The following C13orf42 variants were observed in gnomAD, a reference collection of about 807,000 sequenced individuals.
C13orf42 encodes chromosome 13 open reading frame 42.
rs531365006 is a variant in C13orf42, at chr13:51,161,392, C to G, written n.136+10861G>C. On this transcript the variant is annotated intron_variant and non_coding_transcript_variant, in intron 1 of 4. Transcript: ENST00000433280. ...TTTGACCCATGAGGGCCTTACCCAC[C>G]CTGGAGAAACTGGATTCCTAGGGCT... Among the ~76,000 whole-genome samples the G allele has an allele frequency of 2.6e-5, 4 of 152,102 alleles. No homozygotes were observed. In the East Asian group the frequency reaches 7.8e-4, roughly 30 times the overall value.
In C13orf42 at chr13:51,111,157, G is replaced by A. The variant is rs893797745; in HGVS notation, c.53C>T (p.Ala18Val). The A allele has an allele frequency of 5.0e-6, 2 of 398,498 alleles. No individual in the cohort carries two copies. Among genetic ancestry groups the A allele is most frequent in the African/African-American group, 2.1e-5 (1 of 48,628 alleles). The allele number at this position is 398,498 out of a possible 1,614,324, so 24.7% of individuals were successfully genotyped here. The change falls in exon 1 of 4, where the codon GCG becomes GTG. Residue 18 changes from alanine to valine, a missense_variant. Ala to Val is a moderately conservative substitution (Grantham distance 64, BLOSUM62 0). Coordinates refer to ENST00000563710, the MANE Select transcript of C13orf42 (RefSeq NM_001351589.3). Reference protein sequence around the residue: ...IFNSSPQRKTAAESPFYEGAS... With the variant: ...IFNSSPQRKTVAESPFYEGAS... ...TCCTTCGTAGAAGGGGCTCTCGGCC[G>A]CCGTCTTTCTCTGTGGGCTGGAGTT...
At position 51,157,936 on chromosome 13, in the gene C13orf42, A is replaced by C. The variant is rs75284210; in HGVS notation, n.136+14317T>G. 7.4e-4 allele frequency among the ~76,000 whole-genome samples: 112 copies of C among 152,366 alleles called. 1 individual carries two copies. In the East Asian group the frequency reaches 0.012, roughly 17 times the overall value. On this transcript the variant is annotated intron_variant and non_coding_transcript_variant, in intron 1 of 4. Coordinates refer to the C13orf42 transcript ENST00000433280. The stretch of plus-strand genomic sequence containing the variant: ...GAAAGAGGAAGGCGTGCAGCCTTAA[A>C]GTGAGTTTAGGACAAGCTCAAGTCA...
intron 1 of C13orf42, among the ~76,000 whole-genome samples, chr13:51,120,186 T>A (rs1184378021): frequency 6.6e-6 from 1 of 152,220 alleles, no homozygotes; most frequent in Non-Finnish European, 1.5e-5. Flanking sequence ...AAGCACTGAC[T>A]ACGTATGCTG....
At chr13:51,099,225 C>T (rs1192767726) in intron 1 of C13orf42, among the ~76,000 whole-genome samples, 2 of 152,036 alleles carry the variant, frequency 1.3e-5, no homozygotes, top group African/African-American at 4.8e-5. Context: ...GAAATGTATG[C>T]TCATAATTGA....
At chr13:51,085,808 G>A (rs1198758013) in intron 2 of C13orf42, among the ~76,000 whole-genome samples, 1 of 152,224 alleles carries the variant, frequency 6.6e-6, no homozygotes, top group African/African-American at 2.4e-5. Context: ...CCAGCACTTT[G>A]GGAGTTCGAG....
At chr13:51,143,859 G>T (rs966470373) in intron 1 of C13orf42, among the ~76,000 whole-genome samples, 2 of 152,078 alleles carry the variant, frequency 1.3e-5, no homozygotes, top group Non-Finnish European at 1.5e-5. Flanking sequence ...AATACAAAAT[G>T]GTGTTTGGTT....
chr13:51,137,683 T>C (rs547132076), intron 1 of C13orf42, among the ~76,000 whole-genome samples: 3 of 152,178 alleles, frequency 2.0e-5, no homozygotes, highest in Admixed American at 6.5e-5. Context: ...TCTTTCATAT[T>C]AGCATTTTAA....
intron 1 of C13orf42, among the ~76,000 whole-genome samples, chr13:51,148,959 G>C (rs1953758190): frequency 6.6e-6 from 1 of 152,158 alleles, no homozygotes; most frequent in African/African-American, 2.4e-5. Flanking sequence ...CTGCAGAGGG[G>C]AATGGGTGCT....
At chr13:51,093,646 G>A (rs1015950283) in intron 1 of C13orf42, among the ~76,000 whole-genome samples, 6 of 152,140 alleles carry the variant, frequency 3.9e-5, no homozygotes, top group Non-Finnish European at 8.8e-5. Flanking sequence ...TGTTTCGTGC[G>A]ATGTTGACAT....
At chr13:51,096,412 C>G (rs1953235276) in intron 1 of C13orf42, among the ~76,000 whole-genome samples, 1 of 152,186 alleles carries the variant, frequency 6.6e-6, no homozygotes, top group African/African-American at 2.4e-5. Flanking sequence ...GACATTCTTT[C>G]CTGCTCTCCA....
At chr13:51,165,867 T>A (rs1186797911) in intron 1 of C13orf42, among the ~76,000 whole-genome samples, 8 of 152,216 alleles carry the variant, frequency 5.3e-5, no homozygotes, top group African/African-American at 1.4e-4. Context: ...ATATTTAAGG[T>A]ATATTTTTAA....
chr13:51,121,124 C>G (rs1382362853), intron 1 of C13orf42, among the ~76,000 whole-genome samples: 4 of 152,110 alleles, frequency 2.6e-5, no homozygotes, highest in Non-Finnish European at 4.4e-5. Context: ...TAGCTGAGCC[C>G]AGGGTTGAGA....
At chr13:51,090,064 A>G (rs1016737689) in intron 1 of C13orf42, among the ~76,000 whole-genome samples, 9 of 152,008 alleles carry the variant, frequency 5.9e-5, no homozygotes, top group African/African-American at 2.2e-4. Flanking sequence ...GGATGAGACT[A>G]AAAAACCAGG....
Position 51,082,567 on chromosome 13 carries a change from T to C in C13orf42, c.*1584A>G, listed in dbSNP as rs905327653. On this transcript the variant is annotated 3_prime_UTR_variant, in exon 4 of 4. Coordinates refer to ENST00000563710, the MANE Select transcript of C13orf42 (RefSeq NM_001351589.3). ...CCTGAGTTTATCCCCAACAATGAAC[T>C]TTTATAGATGAGGCTTCAAACAAGG... The C allele has an allele frequency of 2.6e-5, 4 of 152,214 alleles. No individual in the cohort carries two copies. The highest frequency in any genetic ancestry group is 2.9e-5 in the Non-Finnish European group (2 of 68,038). The allele number at this position is 152,214 out of a possible 1,614,324, so 9.4% of individuals were successfully genotyped here. A position where few individuals can be genotyped will look rare whatever the true frequency, so the allele number is the denominator to read the frequency against.
At chr13:51,145,569 A>G (rs1381860467) in intron 1 of C13orf42, among the ~76,000 whole-genome samples, 1 of 152,170 alleles carries the variant, frequency 6.6e-6, no homozygotes, top group East Asian at 1.9e-4. Context: ...AAAGGAGAAT[A>G]TCTTGGGCCC....
Position 51,083,966 on chromosome 13 carries a change from G to C in C13orf42, c.*185C>G. The C allele has an allele frequency of 2.6e-6, 1 of 386,690 alleles. No individual in the cohort carries two copies. The highest frequency in any genetic ancestry group is 4.6e-6 in the Non-Finnish European group (1 of 219,022). 24.0% of individuals were successfully genotyped at this position (386,690 alleles called of 1,614,324 possible). A position where few individuals can be genotyped will look rare whatever the true frequency, so the allele number is the denominator to read the frequency against. On this transcript the variant is annotated 3_prime_UTR_variant, in exon 4 of 4. Coordinates refer to ENST00000563710, the MANE Select transcript of C13orf42 (RefSeq NM_001351589.3). ...GAAACTCAAGCTCTGAGAGTGTCCTGAGACCTGTCCCCTGGGAAGCCACAG... is the reference window on the plus strand; with the variant it reads ...GAAACTCAAGCTCTGAGAGTGTCCTCAGACCTGTCCCCTGGGAAGCCACAG...
At chr13:51,095,255 C>G (rs1051250107) in intron 1 of C13orf42, among the ~76,000 whole-genome samples, 54 of 152,112 alleles carry the variant, frequency 3.6e-4, no homozygotes, top group African/African-American at 1.3e-3. Flanking sequence ...AGTCATTTTT[C>G]TCTTTGTCCT....
rs188201789 is a variant in C13orf42, at chr13:51,103,657, C to T, written c.414+7139G>A. Among the ~76,000 whole-genome samples the T allele has an allele frequency of 1.8e-3, 267 of 152,036 alleles. 1 individual carries two copies. Among genetic ancestry groups the T allele is most frequent in the African/African-American group, 5.9e-3 (243 of 41,434 alleles). On this transcript the variant is annotated intron_variant, in intron 1 of 3. Transcript: ENST00000563710. Reference sequence around the variant, plus strand: ...CAGAGGTTGCAGCAAGCCAAGATCGCGCCACTGCATACCAGCGCGGGCCAC... The same window carrying T: ...CAGAGGTTGCAGCAAGCCAAGATCGTGCCACTGCATACCAGCGCGGGCCAC...
chr13:51,160,355 A>G (rs952584330), intron 1 of C13orf42, among the ~76,000 whole-genome samples: 1 of 152,158 alleles, frequency 6.6e-6, no homozygotes, highest in African/African-American at 2.4e-5. Flanking sequence ...CTAAAAATAC[A>G]AATAATTAGC....
Sources: allele counts gnomAD v4.1 joint callset (sites outside exome capture counted in the v4.1 genomes callset), GRCh38; gene constraint gnomAD v4.1.1; transcripts MANE v1.5; gene names NCBI Gene and HGNC (gene_info 2026-07-23, HGNC 2026-07-21).